The following DLGAP2 variants were observed in gnomAD, a reference collection of about 807,000 sequenced individuals.
The protein encoded by DLGAP2 is disks large-associated protein 2.
DLGAP2 carries 26 observed loss-of-function variants against 100.3 expected under a neutral mutation model. That is an observed-to-expected ratio of 0.26 (90% CI 0.19 to 0.36). DLGAP2 has a LOEUF of 0.36. Ranked by LOEUF, DLGAP2 falls within the 10% of genes least tolerant of loss-of-function variation. The probability of loss-of-function intolerance (pLI) is 1.00; values close to 1 mark genes in which losing one functional copy is unlikely to be tolerated. For synonymous variants in DLGAP2, 886 were observed against 630.1 expected, an observed-to-expected ratio of 1.41 and a Z score of -6.08; for missense variants, 1,858 against 1,453.2, an observed-to-expected ratio of 1.28 and a Z score of -4.53.
At chr8:1,303,976 C>T (rs996445788) in intron 3 of DLGAP2, among the ~76,000 whole-genome samples, 1 of 152,148 alleles carries the variant, frequency 6.6e-6, no homozygotes, top group African/African-American at 2.4e-5. Flanking sequence ...GTAATTTTTC[C>T]ATTTGTGAGG....
intron 12 of DLGAP2, 144 bp downstream of exon 12, chr8:1,678,773 C>T: frequency 3.5e-6 from 3 of 848,318 alleles, no homozygotes; most frequent in South Asian, 6.2e-5. Context: ...ATATCCCCCT[C>T]AATTCTAAGA....
At chr8:1,436,818 C>G (rs558559452) in intron 3 of DLGAP2, among the ~76,000 whole-genome samples, 2 of 152,294 alleles carry the variant, frequency 1.3e-5, no homozygotes, top group African/African-American at 4.8e-5. Context: ...GGTGAGTGTC[C>G]TCTGCAGACG....
intron 3 of DLGAP2, among the ~76,000 whole-genome samples, chr8:1,366,663 G>A (rs536659253): frequency 1.2e-4 from 18 of 152,172 alleles, no homozygotes; most frequent in Admixed American, 2.0e-4. Flanking sequence ...TTCACTTGGT[G>A]CAGAAGAAAG....
At chr8:813,305 G>A (rs1431244249) in intron 1 of DLGAP2, among the ~76,000 whole-genome samples, 2 of 151,814 alleles carry the variant, frequency 1.3e-5, no homozygotes, top group Non-Finnish European at 2.9e-5. Flanking sequence ...GGGATTGTTA[G>A]TTACAGTATT....
chr8:859,217 T>C (rs528261022), intron 1 of DLGAP2, among the ~76,000 whole-genome samples: 1 of 152,082 alleles, frequency 6.6e-6, no homozygotes, highest in South Asian at 2.1e-4. Context: ...GTTCAAGTGA[T>C]TCTCCTGCCT....
At chr8:1,213,912 G>A (rs1041305999) in intron 2 of DLGAP2, among the ~76,000 whole-genome samples, 3 of 152,100 alleles carry the variant, frequency 2.0e-5, no homozygotes, top group African/African-American at 7.2e-5. Context: ...CCTTTTGCTG[G>A]CCCAGTTCCT....
chr8:1,225,846 A>G (rs987128119), intron 2 of DLGAP2, among the ~76,000 whole-genome samples: 1 of 152,232 alleles, frequency 6.6e-6, no homozygotes, highest in Non-Finnish European at 1.5e-5. Flanking sequence ...GTAAATTTTC[A>G]GTTCACACCA....
chr8:1,507,164 C>G (rs1449012774), intron 4 of DLGAP2, among the ~76,000 whole-genome samples: 1 of 152,252 alleles, frequency 6.6e-6, no homozygotes. Context: ...CTGCACTCCT[C>G]AGCCCTTGGA....
At chr8:1,261,428 G>A (rs898629897) in intron 3 of DLGAP2, among the ~76,000 whole-genome samples, 6 of 145,176 alleles carry the variant, frequency 4.1e-5, no homozygotes, top group East Asian at 4.1e-4. Context: ...TCTTTAAAAC[G>A]AGACAGACTG....
At chr8:1,022,258 T>C (rs559208907) in intron 2 of DLGAP2, among the ~76,000 whole-genome samples, 116 of 136,528 alleles carry the variant, frequency 8.5e-4, no homozygotes, top group African/African-American at 3.1e-3. Context: ...CCGCCACCCA[T>C]CCTCCCTGGG....
intron 4 of DLGAP2, among the ~76,000 whole-genome samples, chr8:1,513,354 G>A (rs1433237501): frequency 3.5e-5 from 5 of 144,366 alleles, no homozygotes; most frequent in East Asian, 2.2e-4. Flanking sequence ...AGGGAGGCTC[G>A]GTGGGATACG....
intron 2 of DLGAP2, among the ~76,000 whole-genome samples, chr8:1,206,820 G>A (rs1398823810): frequency 2.0e-5 from 3 of 152,152 alleles, no homozygotes; most frequent in Non-Finnish European, 4.4e-5. Flanking sequence ...AGGCTCCACG[G>A]GCCCCTCTTC....
intron 1 of DLGAP2, among the ~76,000 whole-genome samples, chr8:797,157 C>T (rs1410810090): frequency 6.6e-6 from 1 of 152,182 alleles, no homozygotes; most frequent in Non-Finnish European, 1.5e-5. Context: ...CCTGTAGTCA[C>T]CACCCAAGAA....
chr8:863,767 C>T (rs1797438873), intron 1 of DLGAP2, among the ~76,000 whole-genome samples: 2 of 152,302 alleles, frequency 1.3e-5, no homozygotes, highest in South Asian at 2.1e-4. Flanking sequence ...CTCTTACACG[C>T]TGTTGATGGA....
intron 2 of DLGAP2, among the ~76,000 whole-genome samples, chr8:1,167,365 G>T (rs567756715): frequency 3.3e-5 from 5 of 152,142 alleles, no homozygotes; most frequent in African/African-American, 1.2e-4. Flanking sequence ...GTACCTCACA[G>T]GGAGTTGCTA....
chr8:1,231,609 T>A (rs755887875), intron 2 of DLGAP2, among the ~76,000 whole-genome samples: 1 of 152,162 alleles, frequency 6.6e-6, no homozygotes, highest in Admixed American at 6.5e-5. Flanking sequence ...GTGGACTGGA[T>A]AAAGAAAATG....
intron 3 of DLGAP2, among the ~76,000 whole-genome samples, chr8:1,444,978 G>A (rs1797943613): frequency 6.6e-6 from 1 of 151,272 alleles, no homozygotes; most frequent in African/African-American, 2.4e-5. Flanking sequence ...CACCGTGTTA[G>A]CCAGGATGAT....
At chr8:1,657,602 T>G (rs1798313381) in intron 8 of DLGAP2, among the ~76,000 whole-genome samples, 1 of 152,230 alleles carries the variant, frequency 6.6e-6, no homozygotes, top group Non-Finnish European at 1.5e-5. Flanking sequence ...ATGTAGAGAT[T>G]TACAATTCTA....
Position 1,430,027 on chromosome 8 carries a change from T to TATATATATATATATATATATATATAC in DLGAP2, c.107-71338_107-71337insTATATATATATATATATATATATACA, listed in dbSNP as rs1282725274. ...ATATACATATATATATATATATATA[T>TATATATATATATATATATATATATAC]ACACACACACACATATGAACTTAGA... is the stretch of plus-strand genomic sequence containing the variant. On this transcript the variant is annotated intron_variant, in intron 3 of 14. Transcript: ENST00000637795. 1.2e-3 allele frequency among the ~76,000 whole-genome samples: 90 copies of TATATATATATATATATATATATATAC among 76,824 alleles called. 2 individuals are homozygous for TATATATATATATATATATATATATAC. Among genetic ancestry groups the TATATATATATATATATATATATATAC allele is most frequent in the Non-Finnish European group, 1.7e-3 (69 of 40,102 alleles). The allele number at this position is 76,824 out of a possible 152,430, so 50.4% of individuals were successfully genotyped here.
Sources: allele counts gnomAD v4.1 joint callset (sites outside exome capture counted in the v4.1 genomes callset), GRCh38; gene constraint gnomAD v4.1.1; transcripts MANE v1.5; gene names NCBI Gene and HGNC (gene_info 2026-07-23, HGNC 2026-07-21).